Variants in SHC3 observed in about 807,000 individuals in gnomAD.
SHC3 encodes SHC-transforming protein 3.
A neutral mutation model predicts 60.4 loss-of-function variants in SHC3; 15 were observed. The observed-to-expected ratio is 0.25, with a 90% CI of 0.17 to 0.38. The LOEUF is 0.38. SHC3 is among the 10% of genes least tolerant of loss of function. The pLI, the probability that SHC3 is intolerant of heterozygous loss-of-function variation, is 1.00. For missense variants in SHC3, 677 were observed against 786.1 expected (o/e 0.86, Z 1.66); for synonymous variants, 294 against 325.9 (o/e 0.90, Z 1.05).
At chr9:89,033,797 CAG>C (rs1386998179) in intron 11 of SHC3, among the ~76,000 whole-genome samples, 4 of 152,204 alleles carry the variant, frequency 2.6e-5, no homozygotes, top group Middle Eastern at 3.4e-3. Flanking sequence ...AATGCAGAAA[CAG>C]GGGGTATAGA....
At chr9:89,122,689 C>T (rs1826108406) in intron 1 of SHC3, among the ~76,000 whole-genome samples, 1 of 152,154 alleles carries the variant, frequency 6.6e-6, no homozygotes, top group Non-Finnish European at 1.5e-5. Flanking sequence ...GGGAAAGGGC[C>T]ACCTAAGGGT....
intron 2 of SHC3, among the ~76,000 whole-genome samples, chr9:89,093,788 C>T (rs1825660316): frequency 6.6e-6 from 1 of 152,136 alleles, no homozygotes; most frequent in Admixed American, 6.5e-5. Context: ...ATACATAAAA[C>T]TCCAATGAAC....
chr9:89,109,977 T>C (rs1460724493), intron 2 of SHC3: 2 of 985,436 alleles, frequency 2.0e-6, no homozygotes, highest in Non-Finnish European at 2.4e-6. Flanking sequence ...CATTGTTTTA[T>C]TAAGGTAAGC....
chr9:89,083,084 G>A (rs1477946943), intron 2 of SHC3, among the ~76,000 whole-genome samples: 2 of 152,120 alleles, frequency 1.3e-5, no homozygotes, highest in Non-Finnish European at 2.9e-5. Flanking sequence ...GCAGTCCTGG[G>A]TCTCTCCCTT....
chr9:89,110,030 G>A, intron 2 of SHC3: 1 of 985,418 alleles, frequency 1.0e-6, no homozygotes, highest in Non-Finnish European at 1.2e-6. Flanking sequence ...ACTGACATGA[G>A]TGATAAATTT....
intron 1 of SHC3, among the ~76,000 whole-genome samples, chr9:89,174,889 A>G (rs576302777): frequency 1.5e-4 from 23 of 152,216 alleles, no homozygotes; most frequent in Non-Finnish European, 2.8e-4. Flanking sequence ...CAGTTTCCCC[A>G]CCGTGGATCT....
At chr9:89,109,333 G>T in intron 2 of SHC3, 1 of 873,794 alleles carries the variant, frequency 1.1e-6, no homozygotes, top group Non-Finnish European at 1.4e-6. Context: ...CAGTCTGGTT[G>T]GCCCCTCCCT....
chr9:89,138,870 C>T (rs557754050), intron 1 of SHC3, among the ~76,000 whole-genome samples: 11 of 152,178 alleles, frequency 7.2e-5, no homozygotes, highest in Admixed American at 1.3e-4. Flanking sequence ...CAGGAGGCAT[C>T]AGTATAGTAA....
At chr9:89,020,921 G>T (rs571503350) in intron 11 of SHC3, among the ~76,000 whole-genome samples, 153 of 152,278 alleles carry the variant, frequency 1.0e-3, no homozygotes, top group Non-Finnish European at 1.8e-3. Flanking sequence ...ATGCAGGGGA[G>T]AGCCTCCTGC....
At chr9:89,047,633 T>C (rs1824795459) in intron 7 of SHC3, among the ~76,000 whole-genome samples, 1 of 152,160 alleles carries the variant, frequency 6.6e-6, no homozygotes, top group Non-Finnish European at 1.5e-5. Context: ...AATACATGCA[T>C]GAAAAGTTCC....
intron 10 of SHC3, 33 bp downstream of exon 10, chr9:89,041,993 A>G: frequency 6.2e-7 from 1 of 1,612,910 alleles, no homozygotes; most frequent in Non-Finnish European, 8.5e-7. Context: ...CAACCTCAAA[A>G]GAAAAGAAAA....
chr9:89,060,169 T>A (rs1235362965), intron 6 of SHC3, among the ~76,000 whole-genome samples: 2 of 113,084 alleles, frequency 1.8e-5, no homozygotes, highest in Non-Finnish European at 3.8e-5. Flanking sequence ...TGGTGGAGGA[T>A]GTGGTGGAGG....
At chr9:89,133,309 G>A (rs1425157557) in intron 1 of SHC3, among the ~76,000 whole-genome samples, 3 of 152,172 alleles carry the variant, frequency 2.0e-5, no homozygotes, top group Non-Finnish European at 2.9e-5. Context: ...TTACAGTGTT[G>A]GTGGGACTTT....
intron 1 of SHC3, among the ~76,000 whole-genome samples, chr9:89,115,972 AC>A (rs745892597): frequency 4.8e-4 from 73 of 152,304 alleles, no homozygotes; most frequent in Non-Finnish European, 9.8e-4. Flanking sequence ...TGTAAATACC[AC>A]CACCACCAAT....
intron 2 of SHC3, among the ~76,000 whole-genome samples, chr9:89,101,736 C>T (rs1374351770): frequency 2.6e-5 from 4 of 151,744 alleles, no homozygotes; most frequent in African/African-American, 4.8e-5. Flanking sequence ...TTTGACATAT[C>T]GCTTGATCCA....
chr9:89,096,891 A>G (rs1055519986), intron 2 of SHC3, among the ~76,000 whole-genome samples: 2 of 152,194 alleles, frequency 1.3e-5, no homozygotes, highest in Non-Finnish European at 2.9e-5. Flanking sequence ...AGAAGAGAGC[A>G]AGACAGAATG....
chr9:89,160,106 C>A (rs1017047328), intron 1 of SHC3, among the ~76,000 whole-genome samples: 1 of 152,210 alleles, frequency 6.6e-6, no homozygotes, highest in Non-Finnish European at 1.5e-5. Flanking sequence ...TGAGTGCATT[C>A]CAACTCTAAG....
intron 1 of SHC3, among the ~76,000 whole-genome samples, chr9:89,118,220 A>ACTT: frequency 7.7e-6 from 1 of 130,410 alleles, no homozygotes; most frequent in African/African-American, 2.8e-5. Context: ...GTCTCTACCT[A>ACTT]TTTTTTTTTT....
At chr9:89,046,702 A>C in intron 8 of SHC3, 142 bp downstream of exon 8, 1 of 1,020,166 alleles carries the variant, frequency 9.8e-7, no homozygotes, top group Non-Finnish European at 1.3e-6. Context: ...ATGCCTCATG[A>C]AATCCAGTGA....
Sources: gnomAD v4.1 joint callset for allele counts (sites outside exome capture counted in the v4.1 genomes callset) on GRCh38, gnomAD v4.1.1 for gene constraint, MANE v1.5 for transcripts, NCBI Gene and HGNC (gene_info 2026-07-23, HGNC 2026-07-21) for gene names.